Variants in PGCKA1 observed in about 807,000 individuals in gnomAD.
PGCKA1 encodes the protein PDCD10 and GCKIII kinases-associated protein 1.
the PGCKA1 span, among the ~76,000 whole-genome samples, chr4:37,470,351 G>C: frequency 6.6e-6 from 1 of 150,592 alleles, no homozygotes; most frequent in African/African-American, 2.4e-5. Flanking sequence ...TGGAGCCAAA[G>C]GATAAAAGGG....
chr4:37,533,512 A>G, the PGCKA1 span, among the ~76,000 whole-genome samples: 1 of 152,206 alleles, frequency 6.6e-6, no homozygotes, highest in Non-Finnish European at 1.5e-5. Flanking sequence ...CACATTGCAG[A>G]AGGTGGGGCT....
chr4:37,470,463 T>C, the PGCKA1 span, among the ~76,000 whole-genome samples: 97 of 152,322 alleles, frequency 6.4e-4, no homozygotes, highest in African/African-American at 2.2e-3. Context: ...GCCTACTGTA[T>C]GGTACTAATC....
chr4:37,572,070 T>C, the PGCKA1 span, among the ~76,000 whole-genome samples: 3 of 115,068 alleles, frequency 2.6e-5, no homozygotes, highest in South Asian at 2.9e-4. Flanking sequence ...TTTCTTTTTT[T>C]TTTTTTTTTT....
the PGCKA1 span, among the ~76,000 whole-genome samples, chr4:37,513,847 TGGAG>T: frequency 6.6e-6 from 1 of 152,142 alleles, no homozygotes; most frequent in African/African-American, 2.4e-5. Flanking sequence ...GAGTAAAGGA[TGGAG>T]GGAGATGGGA....
chr4:37,514,593 TACACCCCCC>T, the PGCKA1 span, among the ~76,000 whole-genome samples: 9 of 152,168 alleles, frequency 5.9e-5, no homozygotes, highest in Admixed American at 1.3e-4. Flanking sequence ...TACACACACA[TACACCCCCC>T]ACAGACTCCT....
At chr4:37,547,018 G>A in the PGCKA1 span, among the ~76,000 whole-genome samples, 1 of 151,238 alleles carries the variant, frequency 6.6e-6, no homozygotes, top group Admixed American at 6.6e-5. Flanking sequence ...TGTTGATTTT[G>A]GGTTTGACTT....
At chr4:37,567,066 A>AAAT in the PGCKA1 span, among the ~76,000 whole-genome samples, 145 of 150,046 alleles carry the variant, frequency 9.7e-4, no homozygotes, top group African/African-American at 3.3e-3. Flanking sequence ...GCGGACAAAA[A>AAAT]AAAATAAAAT....
At chr4:37,588,895 CA>C in the PGCKA1 span, 1 of 1,612,554 alleles carries the variant, frequency 6.2e-7, no homozygotes, top group Non-Finnish European at 8.5e-7. Flanking sequence ...TAAAATAATA[CA>C]AAGGTAAAGC....
chr4:37,473,568 G>C, the PGCKA1 span, among the ~76,000 whole-genome samples: 2 of 152,114 alleles, frequency 1.3e-5, no homozygotes, highest in Non-Finnish European at 2.9e-5. Flanking sequence ...CTCAATTCAA[G>C]GAAAATACAT....
chr4:37,457,819 A>C, the PGCKA1 span, among the ~76,000 whole-genome samples: 2 of 152,162 alleles, frequency 1.3e-5, no homozygotes, highest in South Asian at 4.1e-4. Context: ...GCATTATTTC[A>C]TTTCTGATTC....
At chr4:37,581,370 C>T in the PGCKA1 span, among the ~76,000 whole-genome samples, 1 of 152,022 alleles carries the variant, frequency 6.6e-6, no homozygotes, top group African/African-American at 2.4e-5. The surrounding 1 kb of genome is among the most constrained non-coding windows in gnomAD (Gnocchi z 4.4). Flanking sequence ...ACCAGCACAT[C>T]TCAGAGTCTC....
the PGCKA1 span, among the ~76,000 whole-genome samples, chr4:37,524,337 G>C: frequency 3.2e-4 from 48 of 152,320 alleles, no homozygotes; most frequent in Admixed American, 1.0e-3. Context: ...CTCTCACAAG[G>C]TTGCAGTCAG....
the PGCKA1 span, among the ~76,000 whole-genome samples, chr4:37,483,156 C>T: frequency 2.0e-5 from 3 of 152,216 alleles, no homozygotes; most frequent in African/African-American, 7.2e-5. Flanking sequence ...AAGGGCTTCC[C>T]CCTTCACTTG....
the PGCKA1 span, among the ~76,000 whole-genome samples, chr4:37,537,575 A>G: frequency 6.6e-6 from 1 of 152,170 alleles, no homozygotes; most frequent in Non-Finnish European, 1.5e-5. Flanking sequence ...CATGAAGAAC[A>G]TTACCTTTCT....
At chr4:37,579,551 G>A in the PGCKA1 span, among the ~76,000 whole-genome samples, 1 of 152,188 alleles carries the variant, frequency 6.6e-6, no homozygotes, top group South Asian at 2.1e-4. Flanking sequence ...CAGTGTAAAA[G>A]TTATTTTCCT....
the PGCKA1 span, among the ~76,000 whole-genome samples, chr4:37,466,281 A>G: frequency 3.3e-5 from 5 of 152,200 alleles, no homozygotes; most frequent in Non-Finnish European, 5.9e-5. Context: ...TGAAATATTA[A>G]TGAAATATAA....
chr4:37,482,839 A>G, the PGCKA1 span, among the ~76,000 whole-genome samples: 2 of 152,210 alleles, frequency 1.3e-5, no homozygotes, highest in African/African-American at 4.8e-5. Context: ...AGTTCCAGCC[A>G]TGGCTAAAAG....
chr4:37,493,709 C>T, the PGCKA1 span, among the ~76,000 whole-genome samples: 1 of 152,136 alleles, frequency 6.6e-6, no homozygotes, highest in African/African-American at 2.4e-5. Context: ...CTCACCCCCA[C>T]CTCCCCATCC....
chr4:37,511,456 T>A, the PGCKA1 span, among the ~76,000 whole-genome samples: 1 of 152,128 alleles, frequency 6.6e-6, no homozygotes, highest in African/African-American at 2.4e-5. Flanking sequence ...TTCAAGGTAG[T>A]AGGTTCCTTT....
Sources: gnomAD v4.1 joint callset for allele counts (sites outside exome capture counted in the v4.1 genomes callset) on GRCh38, gnomAD v4.1.1 for gene constraint, Gnocchi (gnomAD v3.1) non-coding constraint, MANE v1.5 for transcripts, NCBI Gene and HGNC (gene_info 2026-07-23, HGNC 2026-07-21) for gene names.